The following HOMER1 variants were observed in gnomAD, a reference collection of about 807,000 sequenced individuals.
HOMER1 encodes the protein homer protein homolog 1.
In HOMER1, 3 loss-of-function variants were observed where a neutral mutation model predicts 48.9. The ratio of observed to expected loss-of-function variants is 0.06; its 90% CI spans 0.03 to 0.16. The LOEUF (loss-of-function observed/expected upper bound fraction) is 0.16. HOMER1 is among the 10% of genes least tolerant of loss of function. The pLI is 1.00. For synonymous variants in HOMER1, 134 were observed against 146.4 expected, an observed-to-expected ratio of 0.92 and a Z score of 0.61; for missense variants, 247 against 411.4, an observed-to-expected ratio of 0.60 and a Z score of 3.46.
At chr5:79,438,615 A>C (rs1750657604) in intron 5 of HOMER1, among the ~76,000 whole-genome samples, 1 of 152,218 alleles carries the variant, frequency 6.6e-6, no homozygotes, top group East Asian at 1.9e-4. Context: ...TACTTAAAAA[A>C]AAATTCCAAC....
intron 1 of HOMER1, among the ~76,000 whole-genome samples, chr5:79,500,963 GACACACACACACAC>G (rs140189642): frequency 9.8e-6 from 1 of 101,602 alleles, no homozygotes; most frequent in Admixed American, 9.4e-5. Flanking sequence ...GAGACAGACA[GACACACACACACAC>G]ACACACACAC....
chr5:79,458,893 C>T (rs1751242211), intron 1 of HOMER1, among the ~76,000 whole-genome samples: 1 of 152,152 alleles, frequency 6.6e-6, no homozygotes. Context: ...TTCAGTGAGG[C>T]TGGTGCTATA....
chr5:79,478,016 G>A (rs1751832791), intron 1 of HOMER1, among the ~76,000 whole-genome samples: 1 of 152,120 alleles, frequency 6.6e-6, no homozygotes, highest in Non-Finnish European at 1.5e-5. Context: ...TTTCAGTTTT[G>A]CACGGACTAT....
chr5:79,429,768 A>G (rs1750368618), intron 5 of HOMER1, among the ~76,000 whole-genome samples: 1 of 152,332 alleles, frequency 6.6e-6, no homozygotes, highest in South Asian at 2.1e-4. Context: ...TCACGCCTGT[A>G]ATCCCAGCAC....
intron 8 of HOMER1, 51 bp downstream of exon 8, chr5:79,396,772 A>G: frequency 9.1e-7 from 1 of 1,098,378 alleles, no homozygotes; most frequent in Non-Finnish European, 1.3e-6. Flanking sequence ...CTATGTGAAA[A>G]AATGATGCCT....
chr5:79,447,283 A>G (rs1750911026), intron 3 of HOMER1, 138 bp from the exon 4 acceptor site: 1 of 602,932 alleles, frequency 1.7e-6, no homozygotes, highest in Non-Finnish European at 2.9e-6. Context: ...TATAGCTTCT[A>G]ATATGAAAAT....
intron 1 of HOMER1, among the ~76,000 whole-genome samples, chr5:79,498,737 T>C (rs900304924): frequency 3.3e-5 from 5 of 152,110 alleles, no homozygotes; most frequent in Admixed American, 3.3e-4. Context: ...TCCAACCTTC[T>C]CTTACAAGTG....
chr5:79,508,477 A>G (rs1752838192), intron 1 of HOMER1, among the ~76,000 whole-genome samples: 1 of 152,240 alleles, frequency 6.6e-6, no homozygotes, highest in Non-Finnish European at 1.5e-5. Context: ...CATTTGATCT[A>G]CATGGTTCTC....
At chr5:79,418,108 G>C (rs1580436825) in intron 5 of HOMER1, among the ~76,000 whole-genome samples, 1 of 152,172 alleles carries the variant, frequency 6.6e-6, no homozygotes, top group South Asian at 2.1e-4. Context: ...TTTGTTAATA[G>C]CATGTTACTT....
chr5:79,499,553 G>C (rs549144916), intron 1 of HOMER1, among the ~76,000 whole-genome samples: 1 of 151,470 alleles, frequency 6.6e-6, no homozygotes, highest in East Asian at 1.9e-4. Flanking sequence ...TAGAAGTATT[G>C]AAAAAAATAG....
Position 79,512,924 on chromosome 5 carries a change from A to G in HOMER1, c.-150T>C. ...GGTATTTCAAGGATGCTGCCAATTCAATTAGTTCTCTTAGGTAAAATGATT... is the reference window on the plus strand; with the variant it reads ...GGTATTTCAAGGATGCTGCCAATTCGATTAGTTCTCTTAGGTAAAATGATT... On this transcript the variant is annotated 5_prime_UTR_variant, in exon 1 of 9. The change abolishes the stop of an existing upstream ORF in the 5' untranslated region. Coordinates refer to ENST00000334082, the MANE Select transcript of HOMER1 (RefSeq NM_004272.5). 1 of 691,598 alleles carries G rather than the reference A, an allele frequency of 1.4e-6. No homozygotes were observed. Among genetic ancestry groups the G allele is most frequent in the Non-Finnish European group, 2.6e-6 (1 of 388,388 alleles). The allele number at this position is 691,598 out of a possible 1,614,324, so 42.8% of individuals were successfully genotyped here. A position where few individuals can be genotyped will look rare whatever the true frequency, so the allele number is the denominator to read the frequency against.
chr5:79,412,022 G>C (rs1376921488), intron 5 of HOMER1, among the ~76,000 whole-genome samples: 2 of 152,174 alleles, frequency 1.3e-5, no homozygotes, highest in Non-Finnish European at 2.9e-5. Flanking sequence ...GAGAGGCTGA[G>C]GCAGAAGAAT....
chr5:79,499,498 T>C (rs1270190776), intron 1 of HOMER1, among the ~76,000 whole-genome samples: 2 of 123,596 alleles, frequency 1.6e-5, no homozygotes, highest in African/African-American at 6.3e-5. Context: ...AGAAAAATTT[T>C]TGGGGATTTG....
intron 8 of HOMER1, among the ~76,000 whole-genome samples, chr5:79,380,400 G>C (rs1299094409): frequency 2.6e-5 from 4 of 152,210 alleles, no homozygotes; most frequent in Non-Finnish European, 5.9e-5. Context: ...AGGCTCAAGA[G>C]AAACATGGGC....
chr5:79,411,287 C>T (rs1203293188), intron 5 of HOMER1, among the ~76,000 whole-genome samples: 1 of 152,110 alleles, frequency 6.6e-6, no homozygotes. Flanking sequence ...GAGTTCGAGG[C>T]CAGCCTGGGC....
intron 1 of HOMER1, among the ~76,000 whole-genome samples, chr5:79,502,831 C>A (rs150600000): frequency 0.035 from 5,281 of 152,288 alleles, 83 homozygotes; most frequent in Middle Eastern, 0.068. Flanking sequence ...CGCTCTGTCG[C>A]CCAGGCTGGA....
rs973492731 is a variant in HOMER1 at position 79,439,068 on chromosome 5, T to A, written c.469A>T (p.Thr157Ser). The change falls in exon 5 of 9, where the codon ACA becomes TCA. Residue 157 changes from threonine (T) to serine (S), a missense_variant. By Grantham distance (58) the Thr-to-Ser change is moderately conservative. This residue lies in a region of HOMER1 where 94 missense variants were observed against 112.4 expected (regional missense o/e 0.84). Coordinates refer to ENST00000334082, the MANE Select transcript of HOMER1 (RefSeq NM_004272.5). ...GTDDERTPDV[T>S]QNSEPRAEPT... is the part of the protein sequence containing the mutation. ...TCAGCCCTTGGCTCTGAGTTCTGTG[T>A]CACATCAGGTGTTCTTTCATCATCT... The A allele has an allele frequency of 6.2e-7, 1 of 1,613,898 alleles. No individual in the cohort carries two copies.
At chr5:79,482,192 C>G (rs1751968230) in intron 1 of HOMER1, among the ~76,000 whole-genome samples, 1 of 152,058 alleles carries the variant, frequency 6.6e-6, no homozygotes, top group African/African-American at 2.4e-5. Context: ...GCACTCCAGC[C>G]TGGGCAACAA....
At chr5:79,401,866 C>A in intron 6 of HOMER1, 33 bp downstream of exon 6, 1 of 1,605,710 alleles carries the variant, frequency 6.2e-7, no homozygotes, top group South Asian at 1.1e-5. Flanking sequence ...CCTGTTAGCC[C>A]TAAATCCCTA....
Sources: allele counts gnomAD v4.1 joint callset (sites outside exome capture counted in the v4.1 genomes callset), GRCh38; gene constraint gnomAD v4.1.1; regional missense constraint gnomAD v4.1.1; transcripts MANE v1.5; gene names NCBI Gene and HGNC (gene_info 2026-07-23, HGNC 2026-07-21).